TEX264: variants seen among roughly 807,000 people sequenced by gnomAD.
TEX264 encodes the protein testis-expressed protein 264.
TEX264 carries 13 observed loss-of-function variants against 23.4 expected under a neutral mutation model. The ratio of observed to expected loss-of-function variants is 0.56; its 90% CI spans 0.36 to 0.88. The LOEUF (loss-of-function observed/expected upper bound fraction) is 0.88. Among genes scored for constraint, TEX264 ranks in the 40% least tolerant of loss-of-function variants. The probability of loss-of-function intolerance (pLI) is 0.01; values close to 1 mark genes in which losing one functional copy is unlikely to be tolerated. For synonymous variants in TEX264, 159 were observed against 170.0 expected (o/e 0.94, Z 0.50); for missense variants, 340 against 406.8 (o/e 0.84, Z 1.41).
chr3:51,673,078 T>C lies in TEX264; in HGVS notation c.-34-1193T>C, dbSNP rs181580949. 5.5e-4 allele frequency among the ~76,000 whole-genome samples: 84 copies of C among 152,366 alleles called. 1 individual carries two copies. Among genetic ancestry groups the C allele is most frequent in the Non-Finnish European group, 9.1e-4 (62 of 68,038 alleles). ...GTGCTCATTGACTCCAAAGACAATT[T>C]TTTTTTAGCGTAAAATCAACACCCA... On this transcript the variant is annotated intron_variant, in intron 1 of 4. Coordinates refer to ENST00000341333, the MANE Select transcript of TEX264 (RefSeq NM_015926.6).
chr3:51,692,855 T>A (rs1156610452), intron 3 of TEX264, among the ~76,000 whole-genome samples: 1 of 152,250 alleles, frequency 6.6e-6, no homozygotes. Context: ...TGAGCTCTCC[T>A]TGGGGTACTC....
chr3:51,694,062 TTC>T lies in TEX264; in HGVS notation c.481-5343_481-5342del, dbSNP rs1559680729. On this transcript the variant is annotated intron_variant, in intron 3 of 4. Coordinates refer to ENST00000341333, the MANE Select transcript of TEX264 (RefSeq NM_015926.6). ...TCCTTCCTTCCTCCCTTCCCTTCCC[TTC>T]CCTTCCCCTTCCTTCCGTCCGTCCT... Among the ~76,000 whole-genome samples the T allele has an allele frequency of 1.3e-3, 161 of 125,476 alleles. 4 individuals are homozygous for T. Among genetic ancestry groups the T allele is most frequent in the African/African-American group, 4.1e-3 (140 of 34,324 alleles). The allele number at this position is 125,476 out of a possible 152,430, so 82.3% of individuals were successfully genotyped here.
At chr3:51,688,482 C>A (rs768268358) in intron 3 of TEX264, among the ~76,000 whole-genome samples, 20 of 152,182 alleles carry the variant, frequency 1.3e-4, no homozygotes, top group Non-Finnish European at 2.4e-4. Context: ...TGACACACAG[C>A]CAAGCCCCCA....
chr3:51,684,784 G>T (rs1702556487), intron 3 of TEX264, 150 bp downstream of exon 3: 3 of 707,692 alleles, frequency 4.2e-6, no homozygotes, highest in African/African-American at 3.6e-5. Flanking sequence ...GAGCTAGGAA[G>T]ATGGGCAGAG....
At chr3:51,698,196 C>T (rs1703143190) in intron 3 of TEX264, among the ~76,000 whole-genome samples, 1 of 152,072 alleles carries the variant, frequency 6.6e-6, no homozygotes, top group African/African-American at 2.4e-5. Context: ...TGCTTTTAAC[C>T]CTTCTTTGCT....
intron 4 of TEX264, 28 bp downstream of exon 4, chr3:51,699,602 G>A (rs1419659108): frequency 5.6e-6 from 9 of 1,609,722 alleles, no homozygotes; most frequent in Non-Finnish European, 5.9e-6. Context: ...TGAGGATGGG[G>A]CCCTCCTGGA....
intron 3 of TEX264, among the ~76,000 whole-genome samples, chr3:51,698,682 A>C (rs961745672): frequency 6.6e-6 from 1 of 152,130 alleles, no homozygotes; most frequent in Non-Finnish European, 1.5e-5. Context: ...TGCTAGATCT[A>C]CTTGTCCTAC....
chr3:51,684,615 C>T lies in TEX264; in HGVS notation c.461C>T (p.Ala154Val). The stretch of plus-strand genomic sequence containing the variant: ...CTGGCTACCCGCCGTGTCCATCCTG[C>T]CTTGGACACCTACATCAAGGTGAGG... Reference protein sequence around the residue: ...IWLATRRVHPALDTYIKERKL... With the variant: ...IWLATRRVHPVLDTYIKERKL... Residue 154 changes from alanine to valine, a missense_variant, in exon 3 of 5, where the codon GCC (alanine) becomes GTC (valine). Transcript: ENST00000341333. 6.2e-7 allele frequency: 1 copy of T among 1,614,190 alleles called. No homozygotes were observed. Among genetic ancestry groups the T allele is most frequent in the African/African-American group, 1.3e-5 (1 of 75,060 alleles).
intron 3 of TEX264, among the ~76,000 whole-genome samples, chr3:51,689,265 A>G (rs1268053882): frequency 1.3e-5 from 2 of 152,014 alleles, no homozygotes; most frequent in South Asian, 2.1e-4. Context: ...CTCTACAGAA[A>G]AAAAATACAA....
intron 2 of TEX264, among the ~76,000 whole-genome samples, chr3:51,677,360 G>C (rs1224740798): frequency 1.3e-5 from 2 of 152,126 alleles, no homozygotes; most frequent in Non-Finnish European, 2.9e-5. Flanking sequence ...AAAGGTTTTT[G>C]TCCCCTAGGC....
intron 3 of TEX264, among the ~76,000 whole-genome samples, chr3:51,694,851 G>T (rs2107006179): frequency 6.6e-6 from 1 of 152,356 alleles, no homozygotes; most frequent in Admixed American, 6.5e-5. Context: ...CAAGGCCCCA[G>T]AGCACCAACA....
intron 2 of TEX264, among the ~76,000 whole-genome samples, chr3:51,676,856 C>G (rs180860136): frequency 6.6e-6 from 1 of 152,308 alleles, no homozygotes; most frequent in Admixed American, 6.5e-5. Flanking sequence ...TTGGGTGGCA[C>G]AGAGGATGAT....
At chr3:51,684,157 A>C in intron 2 of TEX264, 1 of 512,148 alleles carries the variant, frequency 2.0e-6, no homozygotes, top group Non-Finnish European at 3.5e-6. Flanking sequence ...ACCCCTCACT[A>C]TGATCCCTGG....
At chr3:51,679,007 C>T (rs1702328489) in intron 2 of TEX264, among the ~76,000 whole-genome samples, 1 of 152,158 alleles carries the variant, frequency 6.6e-6, no homozygotes, top group South Asian at 2.1e-4. Context: ...TGCTGTGCAG[C>T]AGGTTAACTA....
chr3:51,682,466 C>T (rs1189539043), intron 2 of TEX264: 4 of 152,328 alleles, frequency 2.6e-5, no homozygotes, highest in South Asian at 2.1e-4. Context: ...GTATTTGAAC[C>T]GGAAGGACAG....
chr3:51,674,694 T>A, intron 2 of TEX264, 132 bp downstream of exon 2: 1 of 1,098,970 alleles, frequency 9.1e-7, no homozygotes, highest in Non-Finnish European at 1.3e-6. Flanking sequence ...CCCTCCTCTA[T>A]GAGCTTGAAG....
chr3:51,684,745 C>G, intron 3 of TEX264, 111 bp downstream of exon 3: 7 of 1,026,522 alleles, frequency 6.8e-6, no homozygotes, highest in Non-Finnish European at 1.0e-5. Context: ...GAGCAGCACC[C>G]TGGGGCCCTC....
chr3:51,689,875 T>G (rs1013329702), intron 3 of TEX264, among the ~76,000 whole-genome samples: 3 of 151,598 alleles, frequency 2.0e-5, no homozygotes, highest in Non-Finnish European at 4.4e-5. Context: ...TTGAGGGGAG[T>G]GTGACTGATT....
chr3:51,685,201 G>C (rs1314572380), intron 3 of TEX264, among the ~76,000 whole-genome samples: 2 of 152,246 alleles, frequency 1.3e-5, no homozygotes, highest in Non-Finnish European at 2.9e-5. Context: ...CAGTCACCTG[G>C]TCATCTGACG....
Sources: allele counts gnomAD v4.1 joint callset (sites outside exome capture counted in the v4.1 genomes callset), GRCh38; gene constraint gnomAD v4.1.1; transcripts MANE v1.5; gene names NCBI Gene and HGNC (gene_info 2026-07-23, HGNC 2026-07-21).